Variants in CABP1 observed in about 807,000 individuals in gnomAD.
CABP1 encodes calcium-binding protein 1.
A neutral mutation model predicts 34.3 loss-of-function variants in CABP1; 17 were observed. That is an observed-to-expected ratio of 0.50 (90% CI 0.34 to 0.74). The LOEUF is 0.74. CABP1 is among the 30% of genes least tolerant of loss of function. The probability of loss-of-function intolerance (pLI) is 0.01; values close to 1 mark genes in which losing one functional copy is unlikely to be tolerated. For synonymous variants in CABP1, 198 were observed against 229.2 expected, an observed-to-expected ratio of 0.86 and a Z score of 1.23; for missense variants, 373 against 511.1, an observed-to-expected ratio of 0.73 and a Z score of 2.61.
chr12:120,655,493 G>C, intron 1 of CABP1: 1 of 1,086,102 alleles, frequency 9.2e-7, no homozygotes, highest in Admixed American at 4.6e-5. Flanking sequence ...CACCCTGCCT[G>C]CTTCATTTAT....
Position 120,654,525 on chromosome 12 carries a change from C to T in CABP1, c.655-5353C>T, listed in dbSNP as rs906413728. 9.2e-5 allele frequency among the ~76,000 whole-genome samples: 14 copies of T among 152,164 alleles called. No individual in the cohort carries two copies. In the East Asian group the frequency reaches 1.2e-3, roughly 13 times the overall value. ...TGCAGTAGGATGGAAGGATAGGGTG[C>T]GCAGACCTGCACTTCTCAGACAAAG... is the stretch of plus-strand genomic sequence containing the variant. On this transcript the variant is annotated intron_variant, in intron 1 of 5. Coordinates refer to ENST00000316803, the MANE Select transcript of CABP1 (RefSeq NM_001033677.2).
the CABP1 span, among the ~76,000 whole-genome samples, chr12:120,672,578 G>T: frequency 7.0e-6 from 1 of 142,400 alleles, no homozygotes; most frequent in African/African-American, 2.7e-5. Context: ...GCTGCAGTGA[G>T]TCAAGATAGC....
intron 1 of CABP1, among the ~76,000 whole-genome samples, chr12:120,658,606 C>A (rs987004507): frequency 6.6e-5 from 10 of 152,200 alleles, no homozygotes; most frequent in African/African-American, 2.4e-4. Flanking sequence ...TGTGACTCAG[C>A]AGCCCTTCCC....
At chr12:120,656,086 G>A (rs1216411884) in intron 1 of CABP1, 11 of 1,614,162 alleles carry the variant, frequency 6.8e-6, no homozygotes, top group Non-Finnish European at 9.3e-6. Context: ...CTTGGTGCTG[G>A]CTGAAGATGT....
chr12:120,663,684 A>G (rs1441490439), intron 5 of CABP1, among the ~76,000 whole-genome samples: 5 of 152,216 alleles, frequency 3.3e-5, no homozygotes, highest in African/African-American at 1.2e-4. Context: ...TCTTACATTT[A>G]ATTCTCAGAA....
chr12:120,668,953 G>A (rs530211144), downstream of CABP1, among the ~76,000 whole-genome samples: 2 of 152,316 alleles, frequency 1.3e-5, no homozygotes, highest in South Asian at 2.1e-4. Flanking sequence ...TGTCTGGGGC[G>A]CAGTCCATGA....
downstream of CABP1, among the ~76,000 whole-genome samples, chr12:120,671,615 G>C (rs1261537909): frequency 6.6e-6 from 1 of 152,236 alleles, no homozygotes; most frequent in African/African-American, 2.4e-5. Context: ...CTGCCTTCTG[G>C]CATTAGCCAG....
At position 120,666,883 on chromosome 12, in the gene CABP1, C is replaced by T. The variant is rs1212751816; in HGVS notation, c.1096C>T (p.Arg366Trp). The T allele has an allele frequency of 6.2e-7, 1 of 1,606,586 alleles. No homozygotes were observed. Among genetic ancestry groups the T allele is most frequent in the Non-Finnish European group, 8.5e-7 (1 of 1,178,844 alleles). The change falls in exon 6 of 6, where the codon CGG (arginine) becomes TGG (tryptophan). Residue 366 changes from arginine to tryptophan, a missense_variant. By Grantham distance (101) the Arg-to-Trp change is moderately radical. Transcript: ENST00000316803. ...CTCCTCTACCCTTCTAGAGTTTGTC[C>T]GGATGATGTCCCGCTGAGGCCGCGA... is the stretch of plus-strand genomic sequence containing the variant. Reference protein sequence around the residue: ...DGRVDFEEFVRMMSR With the variant: ...DGRVDFEEFVWMMSR
downstream of CABP1, among the ~76,000 whole-genome samples, chr12:120,668,633 G>C (rs1354259389): frequency 1.3e-5 from 2 of 152,194 alleles, no homozygotes; most frequent in Non-Finnish European, 2.9e-5. Context: ...TCAGTGCATA[G>C]CAAGTGCCCT....
the CABP1 span, among the ~76,000 whole-genome samples, chr12:120,678,987 CACTT>C: frequency 6.9e-6 from 1 of 145,374 alleles, no homozygotes; most frequent in Non-Finnish European, 1.5e-5. Context: ...ACAGGAGAAT[CACTT>C]GAACTGAGGA....
intron 1 of CABP1, among the ~76,000 whole-genome samples, chr12:120,657,204 C>G (rs1880285189): frequency 6.6e-6 from 1 of 152,186 alleles, no homozygotes; most frequent in Non-Finnish European, 1.5e-5. Flanking sequence ...TTTACATAGC[C>G]ACATGTGGCT....
chr12:120,653,281 C>T (rs1055253096), intron 1 of CABP1, among the ~76,000 whole-genome samples: 6 of 152,196 alleles, frequency 3.9e-5, no homozygotes, highest in Non-Finnish European at 8.8e-5. Context: ...TATTCACCTC[C>T]TCTTGCCATG....
the CABP1 span, among the ~76,000 whole-genome samples, chr12:120,677,893 G>A: frequency 1.8e-4 from 27 of 152,258 alleles, no homozygotes; most frequent in Non-Finnish European, 2.8e-4. Context: ...TGGCTTCTTC[G>A]CTGTGACTCA....
intron 1 of CABP1, among the ~76,000 whole-genome samples, chr12:120,658,526 C>G (rs557557508): frequency 1.6e-4 from 25 of 152,322 alleles, no homozygotes; most frequent in African/African-American, 6.0e-4. Flanking sequence ...CACACACACT[C>G]TCAACGCTGT....
At chr12:120,658,088 C>CTTTTTT (rs140287793) in intron 1 of CABP1, among the ~76,000 whole-genome samples, 1 of 86,212 alleles carries the variant, frequency 1.2e-5, no homozygotes, top group African/African-American at 4.5e-5. Context: ...CCATCACCAG[C>CTTTTTT]TTTTTTTTTT....
At chr12:120,673,378 A>C in the CABP1 span, among the ~76,000 whole-genome samples, 11 of 152,112 alleles carry the variant, frequency 7.2e-5, no homozygotes, top group African/African-American at 2.7e-4. Context: ...AGGTCAGGAG[A>C]TCGAGACCAT....
intron 1 of CABP1, among the ~76,000 whole-genome samples, chr12:120,649,770 G>A (rs1189858057): frequency 6.6e-6 from 1 of 152,140 alleles, no homozygotes; most frequent in African/African-American, 2.4e-5. Context: ...TGATCTGACT[G>A]TTGGCTCATC....
chr12:120,652,446 G>A (rs1191242769), intron 1 of CABP1, among the ~76,000 whole-genome samples: 1 of 151,348 alleles, frequency 6.6e-6, no homozygotes, highest in East Asian at 1.9e-4. Context: ...TCTTTTGGCT[G>A]TTTTATAGAG....
chr12:120,655,877 C>T, intron 1 of CABP1: 8 of 1,536,174 alleles, frequency 5.2e-6, no homozygotes, highest in Admixed American at 2.0e-5. Flanking sequence ...GAGGGCATCA[C>T]ATTCAGCTCT....
Sources: gnomAD v4.1 joint callset for allele counts (sites outside exome capture counted in the v4.1 genomes callset) on GRCh38, gnomAD v4.1.1 for gene constraint, MANE v1.5 for transcripts, NCBI Gene and HGNC (gene_info 2026-07-23, HGNC 2026-07-21) for gene names.